LRFN5: variants seen among roughly 807,000 people sequenced by gnomAD.
The protein encoded by LRFN5 is leucine rich repeat and fibronectin type III domain containing 5.
In LRFN5, 24 loss-of-function variants were observed where a neutral mutation model predicts 45.6. That is an observed-to-expected ratio of 0.53 (90% confidence interval 0.38 to 0.74). The LOEUF (loss-of-function observed/expected upper bound fraction) is 0.74. LRFN5 is among the 30% of genes least tolerant of loss of function. LRFN5 has a pLI of 0.00. For synonymous variants in LRFN5, 340 were observed against 313.8 expected, an observed-to-expected ratio of 1.08 and a Z score of -0.88; for missense variants, 776 against 861.5, an observed-to-expected ratio of 0.90 and a Z score of 1.24.
At chr14:41,860,172 C>T (rs563429651) in intron 2 of LRFN5, among the ~76,000 whole-genome samples, 1 of 152,130 alleles carries the variant, frequency 6.6e-6, no homozygotes, top group South Asian at 2.1e-4. Context: ...CAAAATAAAA[C>T]AAACAAAAAC....
At chr14:41,853,964 TTTAA>T (rs1311820431) in intron 2 of LRFN5, among the ~76,000 whole-genome samples, 1 of 152,152 alleles carries the variant, frequency 6.6e-6, no homozygotes, top group Non-Finnish European at 1.5e-5. Context: ...AGAAAACTCG[TTTAA>T]TTGTCATGAC....
rs1283057759 is a variant in LRFN5, at chr14:41,607,374, A to T, written c.-1385A>T. 1.3e-5 allele frequency among the ~76,000 whole-genome samples: 2 copies of T among 152,080 alleles called. No individual in the cohort carries two copies. The highest frequency in any genetic ancestry group is 2.9e-5 in the Non-Finnish European group (2 of 68,006). On this transcript the variant is annotated 5_prime_UTR_variant, in exon 1 of 6. Coordinates refer to ENST00000298119, the MANE Select transcript of LRFN5 (RefSeq NM_152447.5). ...CCTAGACAGACACACACACACTCAG[A>T]GGAGAGAGGAAGAATTGAAAGACTT...
At chr14:41,791,249 T>C (rs942849629) in intron 2 of LRFN5, among the ~76,000 whole-genome samples, 2 of 151,980 alleles carry the variant, frequency 1.3e-5, no homozygotes, top group Admixed American at 1.3e-4. Context: ...CTCATTATAC[T>C]ATGGATTATA....
intron 2 of LRFN5, among the ~76,000 whole-genome samples, chr14:41,820,193 G>A (rs1888065812): frequency 1.7e-5 from 2 of 118,934 alleles, no homozygotes; most frequent in South Asian, 2.4e-4. Flanking sequence ...ATTTTCGTAG[G>A]CCAAATCCCA....
chr14:41,705,242 G>T (rs17112197), intron 1 of LRFN5, among the ~76,000 whole-genome samples: 30,849 of 151,784 alleles, frequency 0.2, 3,361 homozygotes, highest in Non-Finnish European at 0.26. Flanking sequence ...CAGTGCTATG[G>T]CCTCAGTTGC....
chr14:41,681,830 T>TATTTA, intron 1 of LRFN5, among the ~76,000 whole-genome samples: 3 of 84,948 alleles, frequency 3.5e-5, no homozygotes, highest in Admixed American at 1.2e-4. Flanking sequence ...ATTTATTTTT[T>TATTTA]TTTTTTGTGA....
rs186442731 is a variant in LRFN5, at chr14:41,637,291, G to T, written c.-197+28729G>T. 1.2e-3 allele frequency among the ~76,000 whole-genome samples: 189 copies of T among 152,138 alleles called. 1 individual carries two copies. Among genetic ancestry groups the T allele is most frequent in the Non-Finnish European group, 1.6e-3 (109 of 67,994 alleles). On this transcript the variant is annotated intron_variant, in intron 1 of 5. Transcript: ENST00000298119. ...TCTTTTCTTGTGCTTCCATCATCTTGCAGTCAGCCAATTACATGGTTTTCA... is the reference window on the plus strand; with the variant it reads ...TCTTTTCTTGTGCTTCCATCATCTTTCAGTCAGCCAATTACATGGTTTTCA...
intron 1 of LRFN5, among the ~76,000 whole-genome samples, chr14:41,736,303 T>C (rs1468210511): frequency 6.6e-6 from 1 of 152,196 alleles, no homozygotes; most frequent in Non-Finnish European, 1.5e-5. Flanking sequence ...CCATTCTAAC[T>C]GGCATGAGAT....
chr14:41,693,348 C>T (rs1042288163), intron 1 of LRFN5, among the ~76,000 whole-genome samples: 4 of 152,024 alleles, frequency 2.6e-5, no homozygotes, highest in Admixed American at 1.3e-4. Context: ...TACTTTAAAA[C>T]GTACTTTAAC....
intron 2 of LRFN5, among the ~76,000 whole-genome samples, chr14:41,847,145 T>C (rs2139067481): frequency 6.6e-6 from 1 of 152,184 alleles, no homozygotes; most frequent in South Asian, 2.1e-4. Context: ...ATTATTTTTT[T>C]TTAGAGCCTT....
In LRFN5 at chr14:41,699,869, G is replaced by T. The variant is rs1364846013; in HGVS notation, c.-196-66985G>T. 3 of 152,052 alleles carry T rather than the reference G, an allele frequency of 2.0e-5. No homozygotes were observed. The East Asian group carries it at 5.8e-4, about 29-fold the overall frequency. 9.4% of individuals were successfully genotyped at this position (152,052 alleles called of 1,614,324 possible). The stretch of plus-strand genomic sequence containing the variant: ...GAAGTAAACCATGCAGGGAGAAAAA[G>T]ACCATTTTTTCTCTTTCAAGGATGA... On this transcript the variant is annotated intron_variant, in intron 1 of 5. Coordinates refer to ENST00000298119, the MANE Select transcript of LRFN5 (RefSeq NM_152447.5).
intron 1 of LRFN5, among the ~76,000 whole-genome samples, chr14:41,616,266 C>T (rs900111297): frequency 2.6e-5 from 4 of 152,082 alleles, no homozygotes; most frequent in Non-Finnish European, 5.9e-5. Flanking sequence ...AAGAATGACT[C>T]AAGCCCATTC....
Position 41,887,395 on chromosome 14 carries a change from A to T in LRFN5, c.770A>T (p.Glu257Val). 3.1e-6 allele frequency: 5 copies of T among 1,614,144 alleles called. No homozygotes were observed. Among genetic ancestry groups the T allele is most frequent in the Non-Finnish European group, 4.2e-6 (5 of 1,180,014 alleles). ...ELLWLRRLSR[E>V]DDLETCASPP... ...TTGTGGTTGAGGCGTCTGTCCAGAG[A>T]AGATGACTTAGAGACCTGTGCTTCT... Residue 257 changes from glutamate to valine, a missense_variant, in exon 3 of 6, where the codon GAA becomes GTA. Physicochemically the swap from Glu to Val is moderately radical, Grantham distance 121. Transcript: ENST00000298119. The surrounding 1 kb of genome is among the most constrained non-coding windows in gnomAD (Gnocchi z 4.8).
chr14:41,621,200 G>T (rs1447510845), intron 1 of LRFN5, among the ~76,000 whole-genome samples: 3 of 152,032 alleles, frequency 2.0e-5, no homozygotes, highest in African/African-American at 7.2e-5. Flanking sequence ...TCATTCTAAA[G>T]ATTTTTTTCT....
intron 2 of LRFN5, among the ~76,000 whole-genome samples, chr14:41,832,259 G>A (rs1217399425): frequency 1.3e-5 from 2 of 152,112 alleles, no homozygotes; most frequent in African/African-American, 4.8e-5. Flanking sequence ...GACATGGCTA[G>A]TGTTGCCTGT....
chr14:41,704,408 TTCTCTCTCTCTCTCTCTCTCTC>T (rs141458106), intron 1 of LRFN5, among the ~76,000 whole-genome samples: 1 of 102,264 alleles, frequency 9.8e-6, no homozygotes, highest in South Asian at 3.9e-4. Context: ...TGTTATACTT[TTCTCTCTCTCTCTCTCTCTCTC>T]TCTCTCTCTC....
At chr14:41,864,248 C>G (rs1349072823) in intron 2 of LRFN5, among the ~76,000 whole-genome samples, 4 of 152,290 alleles carry the variant, frequency 2.6e-5, no homozygotes, top group Non-Finnish European at 4.4e-5. Flanking sequence ...AATTGCTACA[C>G]TGTCTTCCCC....
chr14:41,726,292 C>T (rs1883929833), intron 1 of LRFN5, among the ~76,000 whole-genome samples: 1 of 152,190 alleles, frequency 6.6e-6, no homozygotes, highest in Non-Finnish European at 1.5e-5. Context: ...GCTTGCCTTT[C>T]CTATAAACTG....
At chr14:41,844,503 G>C (rs1177645011) in intron 2 of LRFN5, among the ~76,000 whole-genome samples, 1 of 151,878 alleles carries the variant, frequency 6.6e-6, no homozygotes, top group Non-Finnish European at 1.5e-5. Context: ...CGGTAAGATG[G>C]GAATTTCTAC....
Sources: allele counts gnomAD v4.1 joint callset (sites outside exome capture counted in the v4.1 genomes callset), GRCh38; gene constraint gnomAD v4.1.1; non-coding constraint Gnocchi (gnomAD v3.1); transcripts MANE v1.5; gene names NCBI Gene and HGNC (gene_info 2026-07-23, HGNC 2026-07-21).